The following G3BP1 variants were observed in gnomAD, a reference collection of about 807,000 sequenced individuals.
The protein encoded by G3BP1 is G3BP stress granule assembly factor 1.
In G3BP1, 35 loss-of-function variants were observed where a neutral mutation model predicts 58.6. The ratio of observed to expected loss-of-function variants is 0.60; its 90% CI spans 0.46 to 0.79. G3BP1 has a LOEUF of 0.79. Ranked by LOEUF, G3BP1 falls within the 30% of genes least tolerant of loss-of-function variation. The pLI is 0.00. For synonymous variants in G3BP1, 191 were observed against 195.4 expected (o/e 0.98, Z 0.19); for missense variants, 523 against 580.8 (o/e 0.90, Z 1.02).
At chr5:151,797,465 T>A (rs1159428476) in intron 7 of G3BP1, 37 bp downstream of exon 7, 2 of 1,557,478 alleles carry the variant, frequency 1.3e-6, no homozygotes, top group East Asian at 4.5e-5. Flanking sequence ...CTATTCCTAG[T>A]TATTTTTTTT....
At chr5:151,783,030 TG>T (rs1434883775) in intron 1 of G3BP1, among the ~76,000 whole-genome samples, 3 of 151,852 alleles carry the variant, frequency 2.0e-5, no homozygotes, top group Admixed American at 2.0e-4. Context: ...GCTAATTTTT[TG>T]TATTTTTATT....
At chr5:151,779,611 A>C (rs1444342510) in intron 1 of G3BP1, among the ~76,000 whole-genome samples, 1 of 152,218 alleles carries the variant, frequency 6.6e-6, no homozygotes, top group Non-Finnish European at 1.5e-5. Context: ...CACACAGTAC[A>C]TATTTGGCAA....
chr5:151,785,005 TAGAA>T, intron 1 of G3BP1, among the ~76,000 whole-genome samples: 1 of 152,342 alleles, frequency 6.6e-6, no homozygotes, highest in African/African-American at 2.4e-5. Context: ...CAACTCAAAG[TAGAA>T]TGTTTGGAAA....
In G3BP1 at chr5:151,812,542, C is replaced by G. The variant is rs1763031361; in HGVS notation, c.*8451C>G. 6.6e-6 allele frequency: 1 copy of G among 152,118 alleles called. No individual in the cohort carries two copies. Among genetic ancestry groups the G allele is most frequent in the Non-Finnish European group, 1.5e-5 (1 of 68,024 alleles). The allele number at this position is 152,118 out of a possible 1,614,324, so 9.4% of individuals were successfully genotyped here. A position where few individuals can be genotyped will look rare whatever the true frequency, so the allele number is the denominator to read the frequency against. On this transcript the variant is annotated 3_prime_UTR_variant, in exon 12 of 12. Transcript: ENST00000356245. ...ATGGGGAAAACATGAAGGGCAAGTC[C>G]TTTGGGGATGACTTCTAATTAATGC...
rs74348278 is a variant in G3BP1 at position 151,780,475 on chromosome 5, G to A, written c.-49-6097G>A. 8.8e-3 allele frequency among the ~76,000 whole-genome samples: 1,346 copies of A among 152,224 alleles called. 17 individuals are homozygous for A. Among genetic ancestry groups the A allele is most frequent in the African/African-American group, 0.03 (1,260 of 41,530 alleles). On this transcript the variant is annotated intron_variant, in intron 1 of 11. Transcript: ENST00000356245. The stretch of plus-strand genomic sequence containing the variant: ...GGGCTGCCTTTATGTTTCCCTGCCC[G>A]TCTGTTAAAAATTGGAGGATAATGC...
chr5:151,798,971 G>A (rs531348365), intron 7 of G3BP1, among the ~76,000 whole-genome samples: 1 of 151,904 alleles, frequency 6.6e-6, no homozygotes, highest in Admixed American at 6.6e-5. Flanking sequence ...AAAAAAAAAA[G>A]TGAGTAGTTT....
intron 10 of G3BP1, 47 bp downstream of exon 10, chr5:151,800,393 G>A (rs1399847677): frequency 1.4e-6 from 2 of 1,441,698 alleles, no homozygotes; most frequent in East Asian, 2.3e-5. Context: ...TGTCTCTCTA[G>A]CACTGTCCAG....
chr5:151,792,397 C>A lies in G3BP1; in HGVS notation c.351+1335C>A, dbSNP rs1762674614. Among the ~76,000 whole-genome samples the A allele has an allele frequency of 2.0e-5, 3 of 152,092 alleles. No homozygotes were observed. In the South Asian group the frequency reaches 6.2e-4, roughly 32 times the overall value. ...AAAATTACATGAAGCCAATTATAGT[C>A]ATAATTTTTAGAGGAAGGCTTAGAT... On this transcript the variant is annotated intron_variant, in intron 4 of 11. Coordinates refer to ENST00000356245, the MANE Select transcript of G3BP1 (RefSeq NM_005754.3).
rs1429698374 is a variant in G3BP1, at chr5:151,795,460, A to G, written c.443-19A>G. 1.5e-6 allele frequency: 2 copies of G among 1,295,576 alleles called. No individual in the cohort carries two copies. The highest frequency in any genetic ancestry group is 1.2e-5 in the South Asian group (1 of 81,666). The allele number at this position is 1,295,576 out of a possible 1,614,324, so 80.3% of individuals were successfully genotyped here. A position where few individuals can be genotyped will look rare whatever the true frequency, so the allele number is the denominator to read the frequency against. On this transcript the variant is annotated intron_variant, in intron 5 of 11. Coordinates refer to ENST00000356245, the MANE Select transcript of G3BP1 (RefSeq NM_005754.3). The stretch of plus-strand genomic sequence containing the variant: ...ATTCAGTAAGTACAAATTACTTTAA[A>G]TATCTTTTTCTCACTTAGAGTCTGA...
intron 2 of G3BP1, among the ~76,000 whole-genome samples, chr5:151,788,248 C>T (rs1015015241): frequency 1.3e-5 from 2 of 151,920 alleles, no homozygotes; most frequent in Admixed American, 6.6e-5. Context: ...TTTCTCATTT[C>T]CTCCTGATCA....
At chr5:151,778,785 A>G (rs993316739) in intron 1 of G3BP1, among the ~76,000 whole-genome samples, 12 of 148,884 alleles carry the variant, frequency 8.1e-5, no homozygotes, top group Admixed American at 7.4e-4. Flanking sequence ...GGTCAGGCGC[A>G]GTGGCTCACA....
chr5:151,783,927 T>C (rs1249429837), intron 1 of G3BP1, among the ~76,000 whole-genome samples: 2 of 151,992 alleles, frequency 1.3e-5, no homozygotes, highest in African/African-American at 4.8e-5. Flanking sequence ...CACGGCCAGC[T>C]AATTTTTGTA....
At chr5:151,772,377 C>G (rs1762283375) in intron 1 of G3BP1, 1 of 149,268 alleles carries the variant, frequency 6.7e-6, no homozygotes, top group Non-Finnish European at 1.5e-5. Flanking sequence ...CCGCCCGCCA[C>G]CCTCTCCGCC....
At chr5:151,802,882 G>A (rs1164255796) in intron 11 of G3BP1, among the ~76,000 whole-genome samples, 1 of 152,130 alleles carries the variant, frequency 6.6e-6, no homozygotes, top group African/African-American at 2.4e-5. Flanking sequence ...GCAGTGAGCC[G>A]AGATCGCGCC....
intron 4 of G3BP1, chr5:151,791,877 T>C: frequency 3.1e-6 from 1 of 327,220 alleles, no homozygotes; most frequent in Non-Finnish European, 6.0e-6. Context: ...GGCTGGTCTC[T>C]AACTCCTGAC....
intron 2 of G3BP1, 49 bp downstream of exon 2, chr5:151,786,764 G>T: frequency 9.3e-7 from 1 of 1,071,584 alleles, no homozygotes; most frequent in Non-Finnish European, 1.5e-6. Context: ...TTAGTATGTG[G>T]TACTTATCTT....
intron 5 of G3BP1, among the ~76,000 whole-genome samples, chr5:151,794,703 A>G: frequency 6.6e-6 from 1 of 152,246 alleles, no homozygotes; most frequent in Non-Finnish European, 1.5e-5. Flanking sequence ...TTCTTGAAAG[A>G]CAGTCTAGAA....
chr5:151,784,619 A>G (rs1330062700), intron 1 of G3BP1, among the ~76,000 whole-genome samples: 2 of 152,216 alleles, frequency 1.3e-5, no homozygotes, highest in African/African-American at 2.4e-5. Flanking sequence ...TCTGACCATA[A>G]CTAATGTAGA....
At chr5:151,787,980 A>G (rs1762579967) in intron 2 of G3BP1, among the ~76,000 whole-genome samples, 1 of 151,862 alleles carries the variant, frequency 6.6e-6, no homozygotes, top group Non-Finnish European at 1.5e-5. Context: ...GCTGGAGTGC[A>G]GTGGCAAGGT....
Sources: gnomAD v4.1 joint callset for allele counts (sites outside exome capture counted in the v4.1 genomes callset) on GRCh38, gnomAD v4.1.1 for gene constraint, MANE v1.5 for transcripts, NCBI Gene and HGNC (gene_info 2026-07-23, HGNC 2026-07-21) for gene names.